Variants in THRB observed in about 807,000 individuals in gnomAD.
THRB encodes the protein thyroid hormone receptor beta.
In THRB, 12 loss-of-function variants were observed where a neutral mutation model predicts 47.8. That is an observed-to-expected ratio of 0.25 (90% CI 0.16 to 0.41). The LOEUF (loss-of-function observed/expected upper bound fraction) is 0.41. THRB is among the 10% of genes least tolerant of loss of function. THRB has a pLI of 1.00. For missense variants in THRB, 348 were observed against 589.2 expected, an observed-to-expected ratio of 0.59 and a Z score of 4.24; for synonymous variants, 218 against 212.2, an observed-to-expected ratio of 1.03 and a Z score of -0.24.
intron 1 of THRB, among the ~76,000 whole-genome samples, chr3:24,473,372 T>A (rs369332878): frequency 6.6e-6 from 1 of 152,116 alleles, no homozygotes; most frequent in East Asian, 1.9e-4. Flanking sequence ...CATATGCTTG[T>A]TGGCCACATA....
intron 4 of THRB, among the ~76,000 whole-genome samples, chr3:24,207,411 T>G (rs1202826140): frequency 6.6e-6 from 1 of 152,176 alleles, no homozygotes; most frequent in Non-Finnish European, 1.5e-5. Flanking sequence ...ATTATCTCAA[T>G]AGATGCAGAA....
At chr3:24,441,387 G>A (rs751248685) in intron 1 of THRB, among the ~76,000 whole-genome samples, 1 of 152,196 alleles carries the variant, frequency 6.6e-6, no homozygotes, top group Non-Finnish European at 1.5e-5. Flanking sequence ...AGGACTTAAC[G>A]TGGCTGAGGC....
At chr3:24,469,843 G>C (rs1387351888) in intron 1 of THRB, among the ~76,000 whole-genome samples, 2 of 152,164 alleles carry the variant, frequency 1.3e-5, no homozygotes, top group Admixed American at 1.3e-4. Context: ...ACTGTGACAG[G>C]CATAATCTTT....
intron 1 of THRB, among the ~76,000 whole-genome samples, chr3:24,466,365 C>T (rs533280290): frequency 6.6e-6 from 1 of 151,936 alleles, no homozygotes; most frequent in East Asian, 1.9e-4. Flanking sequence ...ATTGAGGGTA[C>T]CCTCAACTCA....
chr3:24,450,150 G>A (rs892280451), intron 1 of THRB, among the ~76,000 whole-genome samples: 9 of 152,070 alleles, frequency 5.9e-5, no homozygotes, highest in Non-Finnish European at 1.2e-4. Flanking sequence ...TAAAAATCTC[G>A]TTTAATTATT....
intron 5 of THRB, among the ~76,000 whole-genome samples, chr3:24,175,003 T>G (rs2149395371): frequency 6.6e-6 from 1 of 152,362 alleles, no homozygotes; most frequent in Non-Finnish European, 1.5e-5. Context: ...ACTGTAGGGC[T>G]ATAGTGACTG....
intron 1 of THRB, chr3:24,484,152 A>G (rs1328345491): frequency 6.6e-6 from 1 of 152,242 alleles, no homozygotes; most frequent in Non-Finnish European, 1.5e-5. Flanking sequence ...CACATGAGTG[A>G]AAAATAAACT....
intron 1 of THRB, among the ~76,000 whole-genome samples, chr3:24,389,982 T>C (rs563588924): frequency 6.6e-6 from 1 of 152,220 alleles, no homozygotes; most frequent in African/African-American, 2.4e-5. Context: ...AATGTCTTCG[T>C]AGGTGTGACA....
At chr3:24,225,750 C>T (rs1320041298) in intron 4 of THRB, among the ~76,000 whole-genome samples, 1 of 152,112 alleles carries the variant, frequency 6.6e-6, no homozygotes, top group Admixed American at 6.6e-5. Flanking sequence ...AGCAGAATTT[C>T]CCTCAGATTA....
chr3:24,279,561 AT>A (rs35249696), intron 3 of THRB, among the ~76,000 whole-genome samples: 7,638 of 141,030 alleles, frequency 0.054, 639 homozygotes, highest in African/African-American at 0.18. Flanking sequence ...ATTTTTTTGT[AT>A]TTTTTTTTTT....
intron 3 of THRB, among the ~76,000 whole-genome samples, chr3:24,235,822 G>A (rs2048802243): frequency 6.6e-6 from 1 of 152,166 alleles, no homozygotes; most frequent in African/African-American, 2.4e-5. Context: ...TTCCTAGGAA[G>A]TTGCCGTGTA....
chr3:24,131,154 A>G (rs903145005), intron 9 of THRB, among the ~76,000 whole-genome samples: 1 of 152,212 alleles, frequency 6.6e-6, no homozygotes, highest in Non-Finnish European at 1.5e-5. Flanking sequence ...ACATTGTGGT[A>G]TGCATTATAT....
chr3:24,474,520 T>G (rs1560279000), intron 1 of THRB, among the ~76,000 whole-genome samples: 1 of 152,176 alleles, frequency 6.6e-6, no homozygotes, highest in African/African-American at 2.4e-5. Flanking sequence ...GGAGTTGGCA[T>G]AAAACTATTT....
intron 5 of THRB, among the ~76,000 whole-genome samples, chr3:24,159,161 G>A (rs1377865896): frequency 6.6e-6 from 1 of 152,214 alleles, no homozygotes; most frequent in Non-Finnish European, 1.5e-5. Flanking sequence ...TGGGATTCAA[G>A]GTTATAGCTC....
chr3:24,130,601 G>A (rs529563679), intron 9 of THRB, among the ~76,000 whole-genome samples: 3 of 152,206 alleles, frequency 2.0e-5, no homozygotes, highest in African/African-American at 7.2e-5. Context: ...AGAGGTCCAG[G>A]AAAACAAAAC....
intron 1 of THRB, among the ~76,000 whole-genome samples, chr3:24,448,892 A>G (rs2072363100): frequency 6.6e-6 from 1 of 152,244 alleles, no homozygotes; most frequent in Non-Finnish European, 1.5e-5. Context: ...CTAGTTAAAA[A>G]TAAATGACAG....
chr3:24,284,271 A>G (rs1324921503), intron 3 of THRB, among the ~76,000 whole-genome samples: 1 of 151,856 alleles, frequency 6.6e-6, no homozygotes, highest in Non-Finnish European at 1.5e-5. Context: ...CTCAGAAATA[A>G]CGCCACATAT....
chr3:24,423,831 A>G (rs1189122437), intron 1 of THRB, among the ~76,000 whole-genome samples: 1 of 151,740 alleles, frequency 6.6e-6, no homozygotes, highest in African/African-American at 2.4e-5. Flanking sequence ...TCTACTGAAA[A>G]CCTTTACTTA....
chr3:24,410,066 A>G (rs1398694425), intron 1 of THRB, among the ~76,000 whole-genome samples: 3 of 151,898 alleles, frequency 2.0e-5, no homozygotes, highest in Admixed American at 6.6e-5. Context: ...CTGAAACTGA[A>G]TATCTATTCA....
Sources: allele counts gnomAD v4.1 joint callset (sites outside exome capture counted in the v4.1 genomes callset), GRCh38; gene constraint gnomAD v4.1.1; transcripts MANE v1.5; gene names NCBI Gene and HGNC (gene_info 2026-07-23, HGNC 2026-07-21).